The following NBPF15 variants were observed in gnomAD, a reference collection of about 807,000 sequenced individuals.
NBPF15 encodes the protein NBPF member 15, also known as NBPF family member NBPF15.
NBPF15 carries 74 observed loss-of-function variants against 62.2 expected under a neutral mutation model. The observed-to-expected ratio is 1.19, with a 90% CI of 0.99 to 1.44. NBPF15 has a LOEUF of 1.44. Among genes scored for constraint, NBPF15 ranks in the 40% most tolerant of loss-of-function variants. NBPF15 has a pLI of 0.00. For missense variants in NBPF15, 790 were observed against 550.0 expected (o/e 1.44, Z -4.36); for synonymous variants, 244 against 209.7 (o/e 1.16, Z -1.41).
At chr1:144,426,194 C>T in intron 18 of NBPF15, 84 bp downstream of exon 18, 2 of 618,786 alleles carry the variant, frequency 3.2e-6, no homozygotes, top group Admixed American at 2.8e-5. Context: ...TCTCTCGGGT[C>T]AGTAAGGGCC....
Position 144,438,294 on chromosome 1 carries a change from C to G in NBPF15, c.176-247G>C, listed in dbSNP as rs1680155590. Among the ~76,000 whole-genome samples, 4 of 150,354 alleles carry G rather than the reference C, an allele frequency of 2.7e-5. No individual in the cohort carries two copies. In the East Asian group the frequency reaches 7.7e-4, roughly 29 times the overall value. On this transcript the variant is annotated intron_variant, in intron 8 of 21. Transcript: ENST00000581897. ...GGAAGTTGACAAGATGATTCAACCACAACAAAGTGGAGTCAGAATTCACAG... is the reference window on the plus strand; with the variant it reads ...GGAAGTTGACAAGATGATTCAACCAGAACAAAGTGGAGTCAGAATTCACAG...
intron 4 of NBPF15, among the ~76,000 whole-genome samples, chr1:144,451,371 A>G (rs1445962476): frequency 6.6e-6 from 1 of 151,228 alleles, no homozygotes; most frequent in Non-Finnish European, 1.5e-5. Flanking sequence ...AGCAGGAGAC[A>G]GATGCCTTCC....
intron 6 of NBPF15, among the ~76,000 whole-genome samples, chr1:144,447,432 G>T (rs1226295692): frequency 6.6e-6 from 1 of 151,808 alleles, no homozygotes; most frequent in Non-Finnish European, 1.5e-5. Flanking sequence ...AGCAGGGAGG[G>T]AGAGGGAAGA....
intron 6 of NBPF15, among the ~76,000 whole-genome samples, chr1:144,447,947 C>G (rs587625744): frequency 6.6e-6 from 1 of 152,038 alleles, no homozygotes; most frequent in Non-Finnish European, 1.5e-5. Context: ...ACAGACCGCA[C>G]GGCTCCAGAG....
chr1:144,423,829 T>G (rs1553538748), intron 21 of NBPF15, 41 bp downstream of exon 21: 1 of 762,300 alleles, frequency 1.3e-6, no homozygotes. Context: ...TGCCTCCAGG[T>G]GTTAACACAG....
chr1:144,455,630 G>A (rs1194827218), intron 4 of NBPF15, among the ~76,000 whole-genome samples: 2 of 152,028 alleles, frequency 1.3e-5, no homozygotes, highest in African/African-American at 2.4e-5. Flanking sequence ...CTGCAGGTGG[G>A]GGCCTCAGCC....
At chr1:144,438,658 T>C (rs1680501336) in intron 8 of NBPF15, among the ~76,000 whole-genome samples, 1 of 152,048 alleles carries the variant, frequency 6.6e-6, no homozygotes, top group African/African-American at 2.4e-5. Context: ...GAACAACTAA[T>C]AGATAGTGTT....
rs1262584137 is a variant in NBPF15, at chr1:144,423,038, T to G, written c.1988A>C (p.Gln663Pro). Residue 663 changes from glutamine to proline, a missense_variant, in exon 22 of 22, where the codon CAG becomes CCG. By Grantham distance (76) the Gln-to-Pro change is moderately conservative. Coordinates refer to ENST00000581897, the MANE Select transcript of NBPF15 (RefSeq NM_001385408.1). The part of the protein sequence containing the change: ...LTVTSLHLVF[Q>P]MGVIFPQ ...TTATTGTGGGAATATGACTCCCATC[T>G]GGAACACCAGGTGGAGACTTGTCAC... 3.1e-6 allele frequency: 5 copies of G among 1,611,554 alleles called. No homozygotes were observed. In the African/African-American group the frequency reaches 6.7e-5, roughly 22 times the overall value.
chr1:144,456,016 A>G (rs1553546875), intron 4 of NBPF15, among the ~76,000 whole-genome samples: 1 of 151,928 alleles, frequency 6.6e-6, no homozygotes, highest in Non-Finnish European at 1.5e-5. Context: ...CTTTTAACAC[A>G]TTATACTGGC....
rs1247947189 is a variant in NBPF15 at position 144,447,107 on chromosome 1, C to T, written c.-191+1668G>A. 5.2e-5 allele frequency among the ~76,000 whole-genome samples: 8 copies of T among 152,396 alleles called. No homozygotes were observed. The South Asian group carries it at 1.0e-3, about 20-fold the overall frequency. ...CCGCCTTGTCTCTAGACAGCCAAGT[C>T]CCACGGCCTGTCCTCTACTCTTCCA... On this transcript the variant is annotated intron_variant, in intron 6 of 21. Transcript: ENST00000581897.
intron 6 of NBPF15, among the ~76,000 whole-genome samples, chr1:144,440,878 C>G (rs1348500264): frequency 8.6e-5 from 13 of 151,310 alleles, no homozygotes; most frequent in African/African-American, 3.2e-4. Flanking sequence ...ACTGTGTTAG[C>G]CAGGATGGTC....
intron 1 of NBPF15, 63 bp from the exon 2 acceptor site, chr1:144,461,024 G>C (rs1198682094): frequency 6.6e-6 from 1 of 150,750 alleles, no homozygotes; most frequent in Non-Finnish European, 1.5e-5. Context: ...TGCAAGTCAG[G>C]GGCGCGAGTG....
chr1:144,442,317 T>TTATATATATATATACACGTGTATATA (rs1361892809), intron 6 of NBPF15, among the ~76,000 whole-genome samples: 2 of 128,246 alleles, frequency 1.6e-5, no homozygotes, highest in African/African-American at 6.1e-5. Context: ...CGTGTATATA[T>TTATATATATATATACACGTGTATATA]TATATATATA....
At chr1:144,450,659 T>A (rs1338059393) in intron 5 of NBPF15, 113 bp downstream of exon 5, 1 of 161,288 alleles carries the variant, frequency 6.2e-6, no homozygotes, top group Non-Finnish European at 1.3e-5. Context: ...CTAGTACAGG[T>A]GCCTGTCTCT....
chr1:144,439,125 A>C, intron 8 of NBPF15, among the ~76,000 whole-genome samples: 1 of 151,920 alleles, frequency 6.6e-6, no homozygotes, highest in East Asian at 1.9e-4. Flanking sequence ...GGGTGATTAC[A>C]GTCACCTGCC....
At position 144,435,244 on chromosome 1, in the gene NBPF15, A is replaced by C. The variant is rs1418250293; in HGVS notation, c.639T>G (p.Asn213Lys). Residue 213 changes from asparagine to lysine, a missense_variant, in exon 12 of 22, where the codon AAT (asparagine) becomes AAG (lysine). Asn to Lys is a moderately conservative substitution (Grantham distance 94, BLOSUM62 0). Transcript: ENST00000581897. ...SLEECAITCS[N>K]SHGPYDSNQP... ...GGTTGGAGTCATAAGGGCCATGGCT[A>C]TTTGAACAAGTGATGGCACATTCCT... is the stretch of plus-strand genomic sequence containing the variant. 7.4e-5 allele frequency: 120 copies of C among 1,612,666 alleles called. 2 individuals carry two copies. The highest frequency in any genetic ancestry group is 9.7e-5 in the Non-Finnish European group (114 of 1,179,634).
Position 144,435,780 on chromosome 1 carries a change from C to T in NBPF15, c.566+1G>A, listed in dbSNP as rs1377366169. On this transcript the variant is annotated splice_donor_variant, in intron 11 of 21. Transcript: ENST00000581897. LOFTEE classifies it high-confidence loss of function. ...AATTGTTCCTGAGTATTCAGTGTTA[C>T]CTGGGGGCAGACGATTTCTGCACTT... The T allele has an allele frequency of 1.2e-6, 1 of 853,452 alleles. No individual in the cohort carries two copies. Among genetic ancestry groups the T allele is most frequent in the Non-Finnish European group, 2.0e-6 (1 of 498,362 alleles). The allele number at this position is 853,452 out of a possible 1,614,324, so 52.9% of individuals were successfully genotyped here. A position where few individuals can be genotyped will look rare whatever the true frequency, so the allele number is the denominator to read the frequency against.
intron 6 of NBPF15, among the ~76,000 whole-genome samples, chr1:144,448,032 T>C (rs1490134239): frequency 2.0e-5 from 3 of 152,100 alleles, no homozygotes; most frequent in Non-Finnish European, 4.4e-5. Context: ...ATGCTTTGCT[T>C]CTGCAAGACG....
chr1:144,458,447 C>A (rs1331865139), intron 3 of NBPF15, among the ~76,000 whole-genome samples: 11 of 150,720 alleles, frequency 7.3e-5, no homozygotes, highest in Admixed American at 6.0e-4. Flanking sequence ...TTACCAACAC[C>A]CGTATGTAGC....
Sources: gnomAD v4.1 joint callset for allele counts (sites outside exome capture counted in the v4.1 genomes callset) on GRCh38, gnomAD v4.1.1 for gene constraint, MANE v1.5 for transcripts, NCBI Gene and HGNC (gene_info 2026-07-23, HGNC 2026-07-21) for gene names.